The following CYTH3 variants were observed in gnomAD, a reference collection of about 807,000 sequenced individuals.
CYTH3 encodes the protein cytohesin-3.
A neutral mutation model predicts 55.1 loss-of-function variants in CYTH3; 23 were observed. The observed-to-expected ratio is 0.42, with a 90% confidence interval of 0.30 to 0.59. The LOEUF is 0.59. Ranked by LOEUF, CYTH3 falls within the 20% of genes least tolerant of loss-of-function variation. The probability of loss-of-function intolerance (pLI) is 0.20; values close to 1 mark genes in which losing one functional copy is unlikely to be tolerated. For missense variants in CYTH3, 413 were observed against 524.8 expected (o/e 0.79, Z 2.08); for synonymous variants, 249 against 194.9 (o/e 1.28, Z -2.31).
At chr7:6,229,760 T>C (rs1191223710) in intron 1 of CYTH3, among the ~76,000 whole-genome samples, 1 of 148,510 alleles carries the variant, frequency 6.7e-6, no homozygotes, top group African/African-American at 2.5e-5. Flanking sequence ...GAGTTTGCCA[T>C]GAGCTGAGAT....
chr7:6,267,554 A>AC (rs768631501), intron 1 of CYTH3, among the ~76,000 whole-genome samples: 20 of 152,126 alleles, frequency 1.3e-4, no homozygotes, highest in Non-Finnish European at 2.1e-4. Context: ...TTGTTTTGAG[A>AC]CCGAGTCTCA....
intron 1 of CYTH3, among the ~76,000 whole-genome samples, chr7:6,230,790 A>C (rs1419645672): frequency 6.6e-6 from 1 of 152,242 alleles, no homozygotes; most frequent in Non-Finnish European, 1.5e-5. Flanking sequence ...AAGTACATAA[A>C]ATCCCGTATT....
At chr7:6,267,041 G>T (rs1036570574) in intron 1 of CYTH3, among the ~76,000 whole-genome samples, 9 of 152,204 alleles carry the variant, frequency 5.9e-5, no homozygotes, top group Non-Finnish European at 1.3e-4. Flanking sequence ...AATAGTGAGT[G>T]AGGACTCCTG....
chr7:6,256,709 T>C (rs569833696), intron 1 of CYTH3, among the ~76,000 whole-genome samples: 5 of 152,262 alleles, frequency 3.3e-5, no homozygotes, highest in Admixed American at 2.0e-4. Flanking sequence ...TTATGTTCTT[T>C]CCAGATGAAA....
rs148386694 is a variant in CYTH3, at chr7:6,262,537, C to T, written c.34+9937G>A. 3.9e-4 allele frequency among the ~76,000 whole-genome samples: 59 copies of T among 152,290 alleles called. 1 individual carries two copies. The highest frequency in any genetic ancestry group is 3.9e-4 in the East Asian group (2 of 5,186). On this transcript the variant is annotated intron_variant, in intron 1 of 12. Coordinates refer to ENST00000350796, the MANE Select transcript of CYTH3 (RefSeq NM_004227.4). Reference sequence around the variant, plus strand: ...GATGCAGCTGACTTCTCCACAGAATCAGTGGAAGCCAGAAAGCAGTAAAAC... The same window carrying T: ...GATGCAGCTGACTTCTCCACAGAATTAGTGGAAGCCAGAAAGCAGTAAAAC...
chr7:6,173,158 G>A (rs1273403523), intron 6 of CYTH3: 6 of 734,716 alleles, frequency 8.2e-6, no homozygotes, highest in Non-Finnish European at 1.0e-5. Flanking sequence ...ACAACTTCCT[G>A]CTTGCAGAGC....
At chr7:6,207,022 C>T (rs1483060322) in intron 1 of CYTH3, among the ~76,000 whole-genome samples, 1 of 150,710 alleles carries the variant, frequency 6.6e-6, no homozygotes, top group Non-Finnish European at 1.5e-5. Flanking sequence ...AACACCAATA[C>T]TACAAACTTT....
At chr7:6,176,254 ATT>A (rs776819156) in intron 5 of CYTH3, among the ~76,000 whole-genome samples, 182 of 82,872 alleles carry the variant, frequency 2.2e-3, no homozygotes, top group African/African-American at 9.4e-3. Flanking sequence ...AATACAATTG[ATT>A]TTTTTTTTTT....
chr7:6,195,478 G>A (rs1174900825), intron 1 of CYTH3, among the ~76,000 whole-genome samples: 14 of 151,320 alleles, frequency 9.3e-5, no homozygotes, highest in Admixed American at 3.3e-4. Flanking sequence ...TTTTTGAGAC[G>A]GCGTCTCACT....
chr7:6,247,191 C>T (rs117463367), intron 1 of CYTH3, among the ~76,000 whole-genome samples: 1 of 152,348 alleles, frequency 6.6e-6, no homozygotes, highest in East Asian at 1.9e-4. Flanking sequence ...ATTAGTGTGA[C>T]TATTTAATTC....
intron 1 of CYTH3, among the ~76,000 whole-genome samples, chr7:6,267,495 C>G (rs6974047): frequency 0.22 from 32,962 of 152,188 alleles, 3,763 homozygotes; most frequent in Non-Finnish European, 0.25. Flanking sequence ...CCTTACATTG[C>G]ATATCACATT....
intron 1 of CYTH3, among the ~76,000 whole-genome samples, chr7:6,229,276 A>C (rs958162959): frequency 6.6e-6 from 1 of 152,240 alleles, no homozygotes; most frequent in African/African-American, 2.4e-5. Context: ...AAATAATGAC[A>C]AAACATTTGT....
In CYTH3 at chr7:6,164,847, G is replaced by C; in HGVS notation, c.*97C>G. On this transcript the variant is annotated 3_prime_UTR_variant, in exon 13 of 13. Coordinates refer to ENST00000350796, the MANE Select transcript of CYTH3 (RefSeq NM_004227.4). ...TCTGGAGCAGCAGCTTGCACCGCAG[G>C]GCGACTGCCTCCCTGCCACGCCTTC... is the stretch of plus-strand genomic sequence containing the variant. 4 of 1,358,980 alleles carry C rather than the reference G, an allele frequency of 2.9e-6. No homozygotes were observed. Among genetic ancestry groups the C allele is most frequent in the Non-Finnish European group, 4.2e-6 (4 of 954,410 alleles). 84.2% of individuals were successfully genotyped at this position (1,358,980 alleles called of 1,614,324 possible).
chr7:6,175,854 T>G (rs1193636911), intron 5 of CYTH3, among the ~76,000 whole-genome samples: 1 of 152,188 alleles, frequency 6.6e-6, no homozygotes, highest in Non-Finnish European at 1.5e-5. Flanking sequence ...CCACTTTATT[T>G]TGTAATCAGG....
chr7:6,185,901 T>C (rs1261071220), intron 4 of CYTH3, among the ~76,000 whole-genome samples: 5 of 151,844 alleles, frequency 3.3e-5, no homozygotes. Context: ...AATAATTAAC[T>C]CATTAGCACA....
At chr7:6,202,407 AC>A (rs1366504337) in intron 1 of CYTH3, among the ~76,000 whole-genome samples, 2 of 151,580 alleles carry the variant, frequency 1.3e-5, no homozygotes, top group Non-Finnish European at 1.5e-5. Context: ...CAGCACGTGA[AC>A]CGCCAGCCAA....
intron 4 of CYTH3, 69 bp downstream of exon 4, chr7:6,186,978 CAAA>C: frequency 2.7e-6 from 4 of 1,507,920 alleles, no homozygotes; most frequent in Non-Finnish European, 3.7e-6. Flanking sequence ...GACCTCTGTC[CAAA>C]AGGGAAACGG....
chr7:6,164,646 G>A lies in CYTH3; in HGVS notation c.*298C>T, dbSNP rs2128534927. ...AGGGGCGCCGGGATGGTCGCAGGAAGGAAATGCTTCTGGACATGCGCAGCC... is the reference window on the plus strand; with the variant it reads ...AGGGGCGCCGGGATGGTCGCAGGAAAGAAATGCTTCTGGACATGCGCAGCC... On this transcript the variant is annotated 3_prime_UTR_variant, in exon 13 of 13. Transcript: ENST00000350796. 2.2e-6 allele frequency: 1 copy of A among 448,352 alleles called. No homozygotes were observed. Among genetic ancestry groups the A allele is most frequent in the Non-Finnish European group, 4.0e-6 (1 of 247,792 alleles). 27.8% of individuals were successfully genotyped at this position (448,352 alleles called of 1,614,324 possible). A position where few individuals can be genotyped will look rare whatever the true frequency, so the allele number is the denominator to read the frequency against.
In CYTH3 at chr7:6,171,087, G is replaced by T. The variant is rs1783176053; in HGVS notation, c.563-109C>A. ...GGTGCCCGGCCCACAGGTCGTCCTC[G>T]CTCAGGGAAGGCAGGTCCCCAGGAA... On this transcript the variant is annotated intron_variant, in intron 7 of 12. Coordinates refer to ENST00000350796, the MANE Select transcript of CYTH3 (RefSeq NM_004227.4). The surrounding 1 kb of genome is among the most constrained non-coding windows in gnomAD (Gnocchi z 6.7). 4.4e-6 allele frequency: 7 copies of T among 1,583,578 alleles called. No individual in the cohort carries two copies. Among genetic ancestry groups the T allele is most frequent in the Non-Finnish European group, 5.2e-6 (6 of 1,157,308 alleles).
Sources: allele counts gnomAD v4.1 joint callset (sites outside exome capture counted in the v4.1 genomes callset), GRCh38; gene constraint gnomAD v4.1.1; non-coding constraint Gnocchi (gnomAD v3.1); transcripts MANE v1.5; gene names NCBI Gene and HGNC (gene_info 2026-07-23, HGNC 2026-07-21).